The following TSHZ2 variants were observed in gnomAD, a reference collection of about 807,000 sequenced individuals.
TSHZ2 encodes the protein teashirt homolog 2.
A neutral mutation model predicts 74.4 loss-of-function variants in TSHZ2; 21 were observed. The ratio of observed to expected loss-of-function variants is 0.28; its 90% confidence interval spans 0.20 to 0.41. The LOEUF is 0.41. TSHZ2 is among the 10% of genes least tolerant of loss of function. The pLI is 1.00. For missense variants in TSHZ2, 1,244 were observed against 1,293.5 expected (o/e 0.96, Z 0.59); for synonymous variants, 540 against 515.3 (o/e 1.05, Z -0.65).
intron 2 of TSHZ2, among the ~76,000 whole-genome samples, chr20:53,367,698 G>A (rs1430586510): frequency 1.3e-5 from 2 of 151,946 alleles, no homozygotes; most frequent in South Asian, 2.1e-4. Flanking sequence ...AGCCTCCCGA[G>A]GAGCTGGGAC....
rs1432623737 is a variant in TSHZ2 at position 53,093,398 on chromosome 20, C to CT, written c.40+120067dup. ...GAAATTGACCCAAGTGTCTTTTCTG[C>CT]TTAAAGCCTTTCCGTGGTTTCCCAC... On this transcript the variant is annotated intron_variant, in intron 1 of 2. Transcript: ENST00000371497. Among the ~76,000 whole-genome samples, 63 of 152,228 alleles carry CT rather than the reference C, an allele frequency of 4.1e-4. 1 individual carries two copies.
At chr20:53,239,878 A>G (rs1306097256) in intron 1 of TSHZ2, among the ~76,000 whole-genome samples, 1 of 152,212 alleles carries the variant, frequency 6.6e-6, no homozygotes, top group African/African-American at 2.4e-5. Context: ...ATAAAAATGT[A>G]TCTAATTTGT....
At chr20:53,211,583 G>A (rs547766623) in intron 1 of TSHZ2, among the ~76,000 whole-genome samples, 2 of 151,964 alleles carry the variant, frequency 1.3e-5, no homozygotes, top group South Asian at 2.1e-4. Flanking sequence ...CCACACAGTC[G>A]CTCCTACCTG....
intron 2 of TSHZ2, among the ~76,000 whole-genome samples, chr20:53,272,925 G>A (rs1242571158): frequency 6.6e-6 from 1 of 152,138 alleles, no homozygotes; most frequent in African/African-American, 2.4e-5. Flanking sequence ...AGAATGAGGG[G>A]CTACCAAGGA....
intron 1 of TSHZ2, among the ~76,000 whole-genome samples, chr20:53,099,036 C>T (rs2801003): frequency 0.17 from 25,368 of 152,112 alleles, 2,511 homozygotes; most frequent in East Asian, 0.42. Context: ...CCTTTGATGC[C>T]ATCTTGTGGT....
chr20:53,307,099 CAA>C (rs1978575678), intron 2 of TSHZ2, among the ~76,000 whole-genome samples: 1 of 151,878 alleles, frequency 6.6e-6, no homozygotes, highest in Non-Finnish European at 1.5e-5. Flanking sequence ...GGGAAATGAA[CAA>C]AGTGAGGCTG....
intron 1 of TSHZ2, chr20:53,178,959 C>T (rs555832806): frequency 6.6e-6 from 1 of 152,278 alleles, no homozygotes; most frequent in South Asian, 2.1e-4. Flanking sequence ...CATTGCAATT[C>T]AGAGCATCCA....
chr20:53,390,763 C>T (rs569157206), intron 2 of TSHZ2, among the ~76,000 whole-genome samples: 1 of 152,334 alleles, frequency 6.6e-6, no homozygotes, highest in African/African-American at 2.4e-5. Flanking sequence ...TACACTCCCA[C>T]CAACAGTGTG....
chr20:53,219,931 C>T (rs754032215), intron 1 of TSHZ2, among the ~76,000 whole-genome samples: 10 of 152,126 alleles, frequency 6.6e-5, no homozygotes, highest in African/African-American at 2.4e-4. Flanking sequence ...GTTGACTCCT[C>T]GATTTTGCAA....
chr20:53,022,232 C>G (rs921503615), intron 1 of TSHZ2, among the ~76,000 whole-genome samples: 1 of 152,212 alleles, frequency 6.6e-6, no homozygotes, highest in African/African-American at 2.4e-5. Flanking sequence ...TAGCACTAGA[C>G]TCTAAGAGAA....
chr20:53,156,244 G>T (rs369944178), intron 1 of TSHZ2, among the ~76,000 whole-genome samples: 1 of 152,154 alleles, frequency 6.6e-6, no homozygotes. Context: ...GTTGAAGAGG[G>T]TCAGTGAATT....
intron 2 of TSHZ2, among the ~76,000 whole-genome samples, chr20:53,292,752 G>A (rs746172980): frequency 2.0e-5 from 3 of 152,214 alleles, no homozygotes; most frequent in Non-Finnish European, 4.4e-5. Flanking sequence ...CTAACAATCT[G>A]TTGAGAGTTT....
At chr20:53,482,810 G>A (rs561967959) in intron 2 of TSHZ2, among the ~76,000 whole-genome samples, 2 of 152,188 alleles carry the variant, frequency 1.3e-5, no homozygotes, top group South Asian at 2.1e-4. Context: ...GGAGGCTGAG[G>A]TGGGAAGATC....
chr20:53,275,900 C>G (rs546055666), intron 2 of TSHZ2, among the ~76,000 whole-genome samples: 9 of 152,324 alleles, frequency 5.9e-5, no homozygotes, highest in Admixed American at 6.5e-5. Context: ...GCACTGCAGC[C>G]TGGGTAACAA....
At chr20:53,056,231 G>A (rs1407838603) in intron 1 of TSHZ2, among the ~76,000 whole-genome samples, 1 of 152,076 alleles carries the variant, frequency 6.6e-6, no homozygotes, top group Non-Finnish European at 1.5e-5. Flanking sequence ...CTGTGCAGGT[G>A]GGTCCTAAGG....
chr20:53,050,185 A>ATATACATATATATGTG (rs1984407621), intron 1 of TSHZ2, among the ~76,000 whole-genome samples: 1 of 145,922 alleles, frequency 6.9e-6, no homozygotes, highest in African/African-American at 2.5e-5. Context: ...ACACATATAT[A>ATATACATATATATGTG]TGTATATATA....
intron 2 of TSHZ2, among the ~76,000 whole-genome samples, chr20:53,359,921 C>T (rs1345586706): frequency 6.6e-6 from 1 of 152,236 alleles, no homozygotes; most frequent in Non-Finnish European, 1.5e-5. Context: ...TGTCAACAAA[C>T]ATCGTGGGGG....
At chr20:53,011,563 C>CA (rs1317053349) in intron 1 of TSHZ2, among the ~76,000 whole-genome samples, 1 of 152,046 alleles carries the variant, frequency 6.6e-6, no homozygotes, top group Non-Finnish European at 1.5e-5. Flanking sequence ...GTGTATTAAC[C>CA]AAACACATTT....
intron 1 of TSHZ2, among the ~76,000 whole-genome samples, chr20:53,020,734 C>T (rs1316832300): frequency 6.6e-6 from 1 of 152,198 alleles, no homozygotes; most frequent in Non-Finnish European, 1.5e-5. Context: ...CCAGGGATAG[C>T]CTCAGGTTTA....
Sources: allele counts gnomAD v4.1 joint callset (sites outside exome capture counted in the v4.1 genomes callset), GRCh38; gene constraint gnomAD v4.1.1; transcripts MANE v1.5; gene names NCBI Gene and HGNC (gene_info 2026-07-23, HGNC 2026-07-21).